The following PCSK5 variants were observed in gnomAD, a reference collection of about 807,000 sequenced individuals.
The protein encoded by PCSK5 is prohormone convertase 5.
In PCSK5, 129 loss-of-function variants were observed where a neutral mutation model predicts 233.2. The observed-to-expected ratio is 0.55, with a 90% confidence interval of 0.48 to 0.64. The LOEUF (loss-of-function observed/expected upper bound fraction) is 0.64, where lower values mean the gene tolerates loss of function less well. Among genes scored for constraint, PCSK5 ranks in the 30% least tolerant of loss-of-function variants. PCSK5 has a pLI of 0.00. For missense variants in PCSK5, 2,076 were observed against 2,430.1 expected (o/e 0.85, Z 3.06); for synonymous variants, 825 against 879.2 (o/e 0.94, Z 1.09).
intron 2 of PCSK5, among the ~76,000 whole-genome samples, chr9:75,949,875 A>G (rs1824765563): frequency 6.6e-6 from 1 of 152,160 alleles, no homozygotes. Flanking sequence ...TATGGGGTAC[A>G]CAAGATGTTT....
At chr9:76,253,426 T>C (rs1564137079) in intron 24 of PCSK5, among the ~76,000 whole-genome samples, 2 of 152,166 alleles carry the variant, frequency 1.3e-5, no homozygotes, top group African/African-American at 2.4e-5. Flanking sequence ...CCCTGCCCCC[T>C]CATTGTCTAA....
chr9:76,168,382 A>T (rs1823179306), intron 12 of PCSK5, among the ~76,000 whole-genome samples: 1 of 152,186 alleles, frequency 6.6e-6, no homozygotes, highest in African/African-American at 2.4e-5. Context: ...TCCTGACCTC[A>T]GGTGATCTGC....
chr9:76,193,593 G>A, intron 20 of PCSK5: 1 of 406,348 alleles, frequency 2.5e-6, no homozygotes, highest in East Asian at 4.0e-5. Flanking sequence ...GGTGTTTAGT[G>A]CTAAACAGCC....
At chr9:76,320,528 G>C (rs1314783276) in intron 30 of PCSK5, among the ~76,000 whole-genome samples, 1 of 62,096 alleles carries the variant, frequency 1.6e-5, no homozygotes, top group African/African-American at 8.2e-5. Flanking sequence ...GAGTGCAGTG[G>C]AGTGGCACAA....
intron 5 of PCSK5, among the ~76,000 whole-genome samples, chr9:76,045,984 C>G (rs1829355676): frequency 6.6e-6 from 1 of 151,984 alleles, no homozygotes; most frequent in South Asian, 2.1e-4. Context: ...TACATTTTCC[C>G]AAACTATTCC....
At chr9:76,127,983 C>T (rs1488240246) in intron 9 of PCSK5, among the ~76,000 whole-genome samples, 1 of 152,104 alleles carries the variant, frequency 6.6e-6, no homozygotes, top group Non-Finnish European at 1.5e-5. Context: ...ACACCATTCT[C>T]GTGTGATTAA....
At chr9:76,094,550 G>A (rs1831427292) in intron 7 of PCSK5, among the ~76,000 whole-genome samples, 3 of 152,062 alleles carry the variant, frequency 2.0e-5, no homozygotes, top group African/African-American at 4.8e-5. Context: ...TCACTTCACT[G>A]TGTATGTCTA....
At chr9:75,909,413 G>A (rs117753219) in intron 1 of PCSK5, among the ~76,000 whole-genome samples, 2,740 of 151,616 alleles carry the variant, frequency 0.018, 38 homozygotes, top group South Asian at 0.035. Flanking sequence ...AATGCCCTCA[G>A]AGCTGGGTGC....
intron 24 of PCSK5, among the ~76,000 whole-genome samples, chr9:76,250,334 C>T (rs1241442732): frequency 6.6e-6 from 1 of 152,154 alleles, no homozygotes; most frequent in Non-Finnish European, 1.5e-5. Context: ...TCACTCCCTA[C>T]TACTTCTTAC....
chr9:76,338,197 A>T, intron 34 of PCSK5, 33 bp from the exon 35 acceptor site: 1 of 1,496,396 alleles, frequency 6.7e-7, no homozygotes, highest in Non-Finnish European at 9.2e-7. Context: ...AGCAAAGCTT[A>T]CTATTCCATC....
intron 20 of PCSK5, chr9:76,195,760 A>G (rs1824669146): frequency 6.6e-6 from 1 of 152,150 alleles, no homozygotes; most frequent in Non-Finnish European, 1.5e-5. Flanking sequence ...ACTGAAAAAT[A>G]CTGTACATGT....
intron 7 of PCSK5, among the ~76,000 whole-genome samples, chr9:76,088,061 C>G (rs1453522823): frequency 6.6e-6 from 1 of 152,174 alleles, no homozygotes; most frequent in Non-Finnish European, 1.5e-5. Flanking sequence ...GAAGGTACTC[C>G]CATACAGTGT....
intron 30 of PCSK5, among the ~76,000 whole-genome samples, chr9:76,319,945 G>A (rs895661014): frequency 6.6e-6 from 1 of 152,126 alleles, no homozygotes; most frequent in Non-Finnish European, 1.5e-5. Context: ...TACCTAAAAG[G>A]GAAGGGCCCC....
At chr9:76,018,555 C>T (rs950317707) in intron 3 of PCSK5, among the ~76,000 whole-genome samples, 2 of 152,168 alleles carry the variant, frequency 1.3e-5, no homozygotes, top group African/African-American at 4.8e-5. Flanking sequence ...GCCCAGTGAT[C>T]TGAGGTGGGT....
At chr9:76,046,559 C>CTTTT (rs553542037) in intron 5 of PCSK5, among the ~76,000 whole-genome samples, 9 of 104,802 alleles carry the variant, frequency 8.6e-5, no homozygotes, top group African/African-American at 1.1e-4. Flanking sequence ...CTTTCTTTTT[C>CTTTT]TTTTTTTTTT....
intron 20 of PCSK5, among the ~76,000 whole-genome samples, chr9:76,206,319 T>C (rs72740905): frequency 0.019 from 2,901 of 152,352 alleles, 43 homozygotes; most frequent in Middle Eastern, 0.034. Flanking sequence ...TTGGATAAAG[T>C]ATTAAATCTC....
At position 76,296,704 on chromosome 9, in the gene PCSK5, G is replaced by T; in HGVS notation, c.3362G>T (p.Gly1121Val). The T allele has an allele frequency of 6.2e-7, 1 of 1,612,622 alleles. No individual in the cohort carries two copies. Among genetic ancestry groups the T allele is most frequent in the Non-Finnish European group, 8.5e-7 (1 of 1,179,692 alleles). Residue 1121 changes from glycine to valine, a missense_variant, in exon 27 of 38, where the codon GGT becomes GTT. Physicochemically the swap from Gly to Val is moderately radical, Grantham distance 109 (BLOSUM62 -3). Coordinates refer to ENST00000674117, the MANE Select transcript of PCSK5 (RefSeq NM_001372043.1). ...AGGAAATGTGGTCCTGGATTCTATG[G>T]TGACCAAGAAATGGGAGAATGTGAG... ...CVRKCGPGFY[G>V]DQEMGECESC...
intron 24 of PCSK5, among the ~76,000 whole-genome samples, chr9:76,248,665 G>T (rs1254512261): frequency 6.6e-6 from 1 of 152,168 alleles, no homozygotes; most frequent in East Asian, 1.9e-4. Context: ...GAAGAGATTT[G>T]CTGGTTACCA....
intron 24 of PCSK5, among the ~76,000 whole-genome samples, chr9:76,247,077 G>A (rs570735058): frequency 6.6e-6 from 1 of 152,310 alleles, no homozygotes; most frequent in East Asian, 1.9e-4. Flanking sequence ...AGCTCGATTA[G>A]GATGAACCTA....
Sources: allele counts gnomAD v4.1 joint callset (sites outside exome capture counted in the v4.1 genomes callset), GRCh38; gene constraint gnomAD v4.1.1; transcripts MANE v1.5; gene names NCBI Gene and HGNC (gene_info 2026-07-23, HGNC 2026-07-21).